Variants in OSBPL10 observed in about 807,000 individuals in gnomAD.
OSBPL10 encodes oxysterol binding protein like 10.
In OSBPL10, 49 loss-of-function variants were observed where a neutral mutation model predicts 81.7. The ratio of observed to expected loss-of-function variants is 0.60; its 90% CI spans 0.48 to 0.76. The LOEUF is 0.76. Among genes scored for constraint, OSBPL10 ranks in the 30% least tolerant of loss-of-function variants. The pLI is 0.00. For missense variants in OSBPL10, 923 were observed against 987.8 expected (o/e 0.93, Z 0.88); for synonymous variants, 419 against 383.6 (o/e 1.09, Z -1.08).
At chr3:32,048,715 AC>A (rs1477053691) in intron 1 of OSBPL10, among the ~76,000 whole-genome samples, 1 of 152,078 alleles carries the variant, frequency 6.6e-6, no homozygotes. Context: ...AACCAGAGCA[AC>A]TCCATTTTGA....
chr3:31,858,516 T>C (rs1700982374), intron 3 of OSBPL10, among the ~76,000 whole-genome samples: 1 of 152,144 alleles, frequency 6.6e-6, no homozygotes, highest in Admixed American at 6.5e-5. Flanking sequence ...TCTGGCTCTG[T>C]ACTAAGAGCA....
At chr3:31,915,254 A>C (rs1356227144) in intron 1 of OSBPL10, among the ~76,000 whole-genome samples, 1 of 151,834 alleles carries the variant, frequency 6.6e-6, no homozygotes, top group African/African-American at 2.4e-5. Context: ...GGTTTCCTGG[A>C]GTTGTTCCCT....
Position 31,923,654 on chromosome 3 carries a change from G to T in OSBPL10, c.282-43824C>A, listed in dbSNP as rs187109289. Among the ~76,000 whole-genome samples, 3 of 152,114 alleles carry T rather than the reference G, an allele frequency of 2.0e-5. No individual in the cohort carries two copies. The East Asian group carries it at 5.8e-4, about 29-fold the overall frequency. On this transcript the variant is annotated intron_variant, in intron 1 of 11. Coordinates refer to ENST00000396556, the MANE Select transcript of OSBPL10 (RefSeq NM_017784.5). ...ATAATTTTTAAAAATAGCTGATTTG[G>T]TGCACACCTGTAGTCCTACCTACTC...
intron 4 of OSBPL10, among the ~76,000 whole-genome samples, chr3:31,773,611 G>C (rs1698446096): frequency 6.6e-6 from 1 of 152,166 alleles, no homozygotes; most frequent in Non-Finnish European, 1.5e-5. Context: ...GTCCTTTATG[G>C]TGGTGGTTTA....
intron 1 of OSBPL10, among the ~76,000 whole-genome samples, chr3:31,965,530 T>TAA (rs1698321302): frequency 3.5e-5 from 2 of 57,120 alleles, no homozygotes; most frequent in African/African-American, 1.2e-4. Flanking sequence ...AACTATTATA[T>TAA]TATATAAATT....
intron 1 of OSBPL10, among the ~76,000 whole-genome samples, chr3:31,924,127 G>A (rs1224094844): frequency 6.6e-6 from 1 of 151,200 alleles, no homozygotes; most frequent in Admixed American, 6.6e-5. Context: ...CTGAGGCAAG[G>A]AGAATTGCTT....
chr3:32,043,913 G>A (rs1699598830), intron 2 of OSBPL10, among the ~76,000 whole-genome samples: 1 of 151,794 alleles, frequency 6.6e-6, no homozygotes, highest in African/African-American at 2.4e-5. Context: ...ACTATTAGAG[G>A]GGGAATGGAG....
Position 31,901,338 on chromosome 3 carries a change from A to G in OSBPL10, c.282-21508T>C, listed in dbSNP as rs62243033. ...CCTTAAGTGTGCCTACAGGTCTTAC[A>G]TGATGTAGCTCAGCTCACCTCTGCA... On this transcript the variant is annotated intron_variant, in intron 1 of 11. Transcript: ENST00000396556. 5.6e-3 allele frequency among the ~76,000 whole-genome samples: 850 copies of G among 152,348 alleles called. 5 individuals are homozygous for G. Among genetic ancestry groups the G allele is most frequent in the Non-Finnish European group, 8.3e-3 (565 of 68,040 alleles).
chr3:32,067,922 T>C (rs1452478355), intron 1 of OSBPL10, among the ~76,000 whole-genome samples: 1 of 152,174 alleles, frequency 6.6e-6, no homozygotes, highest in Non-Finnish European at 1.5e-5. Flanking sequence ...CACAGATGCG[T>C]ATGACATTTG....
intron 8 of OSBPL10, among the ~76,000 whole-genome samples, chr3:31,674,593 A>AGATAGATAGATAGATG (rs1700410156): frequency 1.9e-5 from 1 of 53,866 alleles, no homozygotes; most frequent in Admixed American, 1.6e-4. Context: ...TTAGATAGAT[A>AGATAGATAGATAGATG]GATAGATAGA....
chr3:31,900,205 GTTT>G (rs148140401), intron 1 of OSBPL10, among the ~76,000 whole-genome samples: 29,581 of 151,240 alleles, frequency 0.2, 3,004 homozygotes, highest in Non-Finnish European at 0.24. Context: ...TGTGGGTTTT[GTTT>G]TTTTGTTTTT....
Position 31,722,123 on chromosome 3 carries a change from CT to C in OSBPL10, c.1095+11133del, listed in dbSNP as rs67879720. ...AACGCAACAATTTAACTGCCACCCC[CT>C]CAAAATACCCTTGAGACTTAGAAAT... On this transcript the variant is annotated intron_variant, in intron 6 of 11. Transcript: ENST00000396556. Among the ~76,000 whole-genome samples the C allele has an allele frequency of 5.4e-3, 818 of 152,290 alleles. 5 individuals carry two copies. The highest frequency in any genetic ancestry group is 0.019 in the African/African-American group (777 of 41,546).
At chr3:31,777,067 C>G (rs1421352448) in intron 4 of OSBPL10, among the ~76,000 whole-genome samples, 1 of 152,146 alleles carries the variant, frequency 6.6e-6, no homozygotes, top group Non-Finnish European at 1.5e-5. Context: ...ATGTTGTTTA[C>G]TATAAAAGTC....
At chr3:32,056,780 G>A (rs114051187) in intron 1 of OSBPL10, among the ~76,000 whole-genome samples, 5 of 152,286 alleles carry the variant, frequency 3.3e-5, no homozygotes, top group Non-Finnish European at 5.9e-5. Context: ...TCTTGAAAAG[G>A]GGCTGGGTAA....
chr3:31,747,753 C>T (rs1378027033), intron 5 of OSBPL10, among the ~76,000 whole-genome samples, 157 bp downstream of exon 5: 1 of 151,996 alleles, frequency 6.6e-6, no homozygotes, highest in Non-Finnish European at 1.5e-5. Flanking sequence ...AAAAATATAT[C>T]CCAAACAGTA....
At chr3:31,839,600 T>C (rs1281827119) in intron 3 of OSBPL10, among the ~76,000 whole-genome samples, 1 of 152,008 alleles carries the variant, frequency 6.6e-6, no homozygotes, top group Admixed American at 6.6e-5. Context: ...TGATTAAAGA[T>C]GTCAACGAAG....
chr3:32,014,597 GC>G (rs1396060537), intron 2 of OSBPL10, among the ~76,000 whole-genome samples: 3 of 152,134 alleles, frequency 2.0e-5, no homozygotes, highest in African/African-American at 7.2e-5. Context: ...TCTGGCCAGG[GC>G]AATCAGGCAG....
At chr3:31,783,735 G>C (rs1698764124) in intron 4 of OSBPL10, among the ~76,000 whole-genome samples, 1 of 134,202 alleles carries the variant, frequency 7.5e-6, no homozygotes, top group African/African-American at 2.8e-5. Context: ...AGGTTGCAGT[G>C]AGCTGAGATC....
chr3:31,790,417 A>C (rs1698980875), intron 4 of OSBPL10, among the ~76,000 whole-genome samples: 1 of 152,230 alleles, frequency 6.6e-6, no homozygotes. Flanking sequence ...GCGCTCAAGA[A>C]GAAATGTGTC....
Sources: allele counts gnomAD v4.1 joint callset (sites outside exome capture counted in the v4.1 genomes callset), GRCh38; gene constraint gnomAD v4.1.1; transcripts MANE v1.5; gene names NCBI Gene and HGNC (gene_info 2026-07-23, HGNC 2026-07-21).